Variants in CFI observed in about 807,000 individuals in gnomAD.
CFI encodes complement factor I.
CFI carries 66 observed loss-of-function variants against 78.8 expected under a neutral mutation model. The ratio of observed to expected loss-of-function variants is 0.84; its 90% CI spans 0.69 to 1.03. The LOEUF (loss-of-function observed/expected upper bound fraction) is 1.03, where lower values mean the gene tolerates loss of function less well. CFI is among the 50% of genes least tolerant of loss of function. The pLI, the probability that CFI is intolerant of heterozygous loss-of-function variation, is 0.00. For missense variants in CFI, 706 were observed against 704.5 expected, an observed-to-expected ratio of 1.00 and a Z score of -0.02; for synonymous variants, 250 against 232.6, an observed-to-expected ratio of 1.07 and a Z score of -0.68.
chr4:109,795,559 A>G (rs897131894), intron 1 of CFI, among the ~76,000 whole-genome samples: 2 of 152,234 alleles, frequency 1.3e-5, no homozygotes, highest in Non-Finnish European at 1.5e-5. Context: ...TCAAAGTAAC[A>G]TCTTAAAGAA....
At chr4:109,771,861 T>C (rs888191735) in intron 1 of CFI, among the ~76,000 whole-genome samples, 1 of 151,640 alleles carries the variant, frequency 6.6e-6, no homozygotes, top group Non-Finnish European at 1.5e-5. Flanking sequence ...GATTTCATCA[T>C]GGTTATAGGC....
chr4:109,743,354 C>T (rs1432960626), intron 11 of CFI, among the ~76,000 whole-genome samples: 1 of 152,092 alleles, frequency 6.6e-6, no homozygotes, highest in Non-Finnish European at 1.5e-5. Context: ...CTTAATGGCC[C>T]AGGAGATAGT....
intron 7 of CFI, among the ~76,000 whole-genome samples, chr4:109,753,663 TGTATAATTTTATATTATATATTATATA>T (rs1561294234): frequency 9.6e-5 from 10 of 104,012 alleles, no homozygotes; most frequent in Non-Finnish European, 1.5e-4. Context: ...TATTATATAA[TGTATAATTTTATATTATATATTATATA>T]ATGTATAATT....
chr4:109,774,533 A>C (rs1156549237), intron 1 of CFI, among the ~76,000 whole-genome samples: 1 of 152,096 alleles, frequency 6.6e-6, no homozygotes, highest in East Asian at 1.9e-4. Flanking sequence ...GGGAATAAGT[A>C]ACAGGGGGAA....
chr4:109,757,902 G>T, intron 6 of CFI, 119 bp from the exon 7 acceptor site: 1 of 1,380,742 alleles, frequency 7.2e-7, no homozygotes, highest in Non-Finnish European at 9.8e-7. Context: ...GTTTTCTTCG[G>T]TAATATAATT....
At chr4:109,776,725 A>T (rs181695747) in intron 1 of CFI, among the ~76,000 whole-genome samples, 10 of 152,362 alleles carry the variant, frequency 6.6e-5, no homozygotes, top group Admixed American at 6.5e-4. Context: ...CCAGAGAGAA[A>T]GGTGGGGTTA....
chr4:109,762,057 G>C (rs1727141002), intron 3 of CFI: 1 of 288,094 alleles, frequency 3.5e-6, no homozygotes, highest in Admixed American at 4.8e-5. Flanking sequence ...TGGGTGTGGT[G>C]GCCTACACCT....
chr4:109,768,789 C>A (rs1418980865), intron 1 of CFI, among the ~76,000 whole-genome samples: 3 of 152,186 alleles, frequency 2.0e-5, no homozygotes, highest in Non-Finnish European at 2.9e-5. Context: ...TCTTTAAATG[C>A]CGTTAAGAAG....
At chr4:109,748,583 A>G (rs1270056114) in intron 10 of CFI, among the ~76,000 whole-genome samples, 1 of 152,150 alleles carries the variant, frequency 6.6e-6, no homozygotes, top group Non-Finnish European at 1.5e-5. Flanking sequence ...GGAAAAGGGT[A>G]AGGAAGATCA....
chr4:109,798,467 T>C (rs1732338625), intron 1 of CFI, among the ~76,000 whole-genome samples: 1 of 151,944 alleles, frequency 6.6e-6, no homozygotes, highest in African/African-American at 2.4e-5. Flanking sequence ...GTACACTAAA[T>C]ATGTAGAGTT....
intron 7 of CFI, among the ~76,000 whole-genome samples, chr4:109,753,725 T>C (rs1725700703): frequency 2.5e-5 from 3 of 121,242 alleles, no homozygotes; most frequent in African/African-American, 9.9e-5. Context: ...ATATAATGTA[T>C]AATTTTATAT....
chr4:109,766,450 G>A, intron 2 of CFI, 104 bp downstream of exon 2: 1 of 1,389,598 alleles, frequency 7.2e-7, no homozygotes. Flanking sequence ...AAAATTTTGA[G>A]TTGTCATCAT....
At chr4:109,739,191 T>C (rs866925729), downstream of CFI, among the ~76,000 whole-genome samples, 41 of 152,116 alleles carry the variant, frequency 2.7e-4, 1 homozygote, top group African/African-American at 8.5e-4. Flanking sequence ...AGTAGGGATC[T>C]ATCCAAGACT....
intron 4 of CFI, 144 bp downstream of exon 4, chr4:109,761,373 G>A (rs921679842): frequency 1.7e-5 from 14 of 815,624 alleles, no homozygotes; most frequent in Non-Finnish European, 2.7e-5. Context: ...TACCAATTTA[G>A]ACTCTAAAGC....
chr4:109,787,721 GTC>G (rs1044621411), intron 1 of CFI, among the ~76,000 whole-genome samples: 4 of 151,584 alleles, frequency 2.6e-5, no homozygotes, highest in African/African-American at 9.7e-5. Flanking sequence ...CTAATTTTTA[GTC>G]TCTCTAAAAA....
chr4:109,764,470 A>G, intron 3 of CFI, 67 bp downstream of exon 3: 2 of 1,524,726 alleles, frequency 1.3e-6, no homozygotes, highest in East Asian at 4.5e-5. Flanking sequence ...CAGAAAGGTT[A>G]GGTAATCAAA....
intron 1 of CFI, among the ~76,000 whole-genome samples, chr4:109,800,403 C>A (rs1040489992): frequency 1.5e-5 from 2 of 134,566 alleles, no homozygotes; most frequent in Non-Finnish European, 3.1e-5. Flanking sequence ...ATGATCAGAG[C>A]TCCCCGCAGC....
At chr4:109,775,793 G>A (rs898569215) in intron 1 of CFI, among the ~76,000 whole-genome samples, 3 of 152,104 alleles carry the variant, frequency 2.0e-5, no homozygotes, top group South Asian at 2.1e-4. Flanking sequence ...CCTCTGAGAC[G>A]AAGCTTCCAG....
rs779690029 is a variant in CFI at position 109,761,677 on chromosome 4, T to C, written c.498A>G (p.Gln166=). The C allele has an allele frequency of 1.9e-6, 3 of 1,612,708 alleles. No individual in the cohort carries two copies. The highest frequency in any genetic ancestry group is 2.5e-6 in the Non-Finnish European group (3 of 1,178,948). The change falls in exon 4 of 13, where the codon CAA becomes CAG. Residue 166 remains glutamine, a synonymous_variant. Coordinates refer to ENST00000394634, the MANE Select transcript of CFI (RefSeq NM_000204.5). ...AGAGATCAGACAACTTAAACCTTCT[T>C]TGAGTATCAGCACCTCTGCAAATAG... is the stretch of plus-strand genomic sequence containing the variant. ...DLGFQQGADT[Q]RRFKLSDLSI... is the part of the protein sequence containing the mutation.
Sources: gnomAD v4.1 joint callset for allele counts (sites outside exome capture counted in the v4.1 genomes callset) on GRCh38, gnomAD v4.1.1 for gene constraint, MANE v1.5 for transcripts, NCBI Gene and HGNC (gene_info 2026-07-23, HGNC 2026-07-21) for gene names.